PTPRU: variants seen among roughly 807,000 people sequenced by gnomAD.
PTPRU encodes receptor-type tyrosine-protein phosphatase U.
PTPRU carries 69 observed loss-of-function variants against 166.3 expected under a neutral mutation model. The observed-to-expected ratio is 0.41, with a 90% CI of 0.34 to 0.51. PTPRU has a LOEUF of 0.51. PTPRU is among the 20% of genes least tolerant of loss of function. The probability of loss-of-function intolerance (pLI) is 0.09; values close to 1 mark genes in which losing one functional copy is unlikely to be tolerated. For synonymous variants in PTPRU, 793 were observed against 814.0 expected (o/e 0.97, Z 0.44); for missense variants, 1,657 against 2,013.7 (o/e 0.82, Z 3.39).
chr1:29,263,941 C>G (rs1685178120), intron 7 of PTPRU, among the ~76,000 whole-genome samples: 1 of 152,054 alleles, frequency 6.6e-6, no homozygotes, highest in Non-Finnish European at 1.5e-5. Flanking sequence ...CTTTGGGGGG[C>G]CGAGGAGGGC....
At chr1:29,255,201 G>A in intron 1 of PTPRU, 74 bp from the exon 2 acceptor site, 1 of 1,516,894 alleles carries the variant, frequency 6.6e-7, no homozygotes, top group Non-Finnish European at 8.9e-7. Context: ...AAGGGAGAGT[G>A]GGGCTACCCT....
chr1:29,259,600 T>TGGGGTTTTTTGGGGGGGGGGGGGGGG, intron 5 of PTPRU, 36 bp downstream of exon 5: 1 of 253,668 alleles, frequency 3.9e-6, no homozygotes, highest in Non-Finnish European at 7.7e-6. Context: ...GGGGGCGGGG[T>TGGGGTTTTTTGGGGGGGGGGGGGGGG]GGGAGGGGGT....
At chr1:29,270,584 G>A (rs1685518015) in intron 7 of PTPRU, among the ~76,000 whole-genome samples, 1 of 152,140 alleles carries the variant, frequency 6.6e-6, no homozygotes, top group South Asian at 2.1e-4. Flanking sequence ...ACAGGCATGA[G>A]CTACTGCACC....
At chr1:29,248,952 G>T (rs1190472574) in intron 1 of PTPRU, among the ~76,000 whole-genome samples, 1 of 152,138 alleles carries the variant, frequency 6.6e-6, no homozygotes, top group East Asian at 1.9e-4. Context: ...TCACGCAACT[G>T]CAACCGGTCA....
In PTPRU at chr1:29,238,727, C is replaced by T. The variant is rs1280203280; in HGVS notation, c.73+2010C>T. On this transcript the variant is annotated intron_variant, in intron 1 of 29. Transcript: ENST00000373779. This position sits in a 1 kb window ranked among gnomAD's most constrained non-coding sequence, Gnocchi z 6.1. ...CCCATGTCCTGCGGCAACTTTGCCTCCCTCTCCCACCGTGAAATCAAACCC... is the reference window on the plus strand; with the variant it reads ...CCCATGTCCTGCGGCAACTTTGCCTTCCTCTCCCACCGTGAAATCAAACCC... Among the ~76,000 whole-genome samples the T allele has an allele frequency of 6.6e-6, 1 of 152,148 alleles. No individual in the cohort carries two copies. Among genetic ancestry groups the T allele is most frequent in the Non-Finnish European group, 1.5e-5 (1 of 68,040 alleles).
chr1:29,304,037 G>A lies in PTPRU; in HGVS notation c.2659G>A (p.Glu887Lys). 1 of 1,604,296 alleles carries A rather than the reference G, an allele frequency of 6.2e-7. No homozygotes were observed. The highest frequency in any genetic ancestry group is 1.1e-5 in the South Asian group (1 of 90,810). ...GGCCGAGGGTTACGGCTTCAAGCAG[G>A]AGTATGAGGTGCACGCCGGCCCCGG... is the stretch of plus-strand genomic sequence containing the variant. ...KTAEGYGFKQ[E>K]YESFFEGWDA... Residue 887 changes from glutamate (E) to lysine (K), a missense_variant, in exon 16 of 30, where the codon GAG (glutamate) becomes AAG (lysine). By Grantham distance (56) the Glu-to-Lys change is moderately conservative (BLOSUM62 1). This residue lies in a region of PTPRU where 1,190 missense variants were observed against 1,477.4 expected (regional missense o/e 0.81). Coordinates refer to ENST00000373779, the MANE Select transcript of PTPRU (RefSeq NM_133178.4).
chr1:29,325,688 G>A lies in PTPRU; in HGVS notation c.*27G>A. On this transcript the variant is annotated 3_prime_UTR_variant, in exon 30 of 30. Transcript: ENST00000373779. ...GGGGCCCTGGCCTGGGGCACCCACT[G>A]CACACTCAGGGCCAGACCCACCATC... 4.5e-6 allele frequency: 7 copies of A among 1,564,662 alleles called. No individual in the cohort carries two copies. Among genetic ancestry groups the A allele is most frequent in the Non-Finnish European group, 5.2e-6 (6 of 1,145,890 alleles).
At chr1:29,249,313 C>T (rs1033413705) in intron 1 of PTPRU, among the ~76,000 whole-genome samples, 2 of 152,258 alleles carry the variant, frequency 1.3e-5, no homozygotes, top group East Asian at 1.9e-4. Flanking sequence ...TGAGCCCAGC[C>T]GGATGTGGCT....
intron 15 of PTPRU, among the ~76,000 whole-genome samples, chr1:29,300,719 T>G (rs1385785608): frequency 6.6e-6 from 1 of 152,226 alleles, no homozygotes; most frequent in African/African-American, 2.4e-5. Flanking sequence ...TATAGGCAGC[T>G]GAAGACCGTG....
intron 25 of PTPRU, among the ~76,000 whole-genome samples, chr1:29,319,646 C>T (rs1210232200): frequency 2.0e-5 from 3 of 152,218 alleles, no homozygotes; most frequent in Admixed American, 6.5e-5. Context: ...AGAGAGATCG[C>T]TGGGGGACCA....
intron 28 of PTPRU, among the ~76,000 whole-genome samples, chr1:29,324,401 G>A (rs1688309422): frequency 1.3e-5 from 2 of 152,036 alleles, no homozygotes; most frequent in Non-Finnish European, 2.9e-5. Flanking sequence ...AGTGAGGGCC[G>A]CATCAGTCTG....
intron 26 of PTPRU, 127 bp from the exon 27 acceptor site, chr1:29,323,244 A>G: frequency 7.8e-7 from 1 of 1,275,158 alleles, no homozygotes; most frequent in Non-Finnish European, 1.1e-6. Flanking sequence ...GTGAGTCTGG[A>G]GTGAGTGGGT....
chr1:29,239,862 T>A (rs1353113824), intron 1 of PTPRU, among the ~76,000 whole-genome samples: 3 of 152,086 alleles, frequency 2.0e-5, no homozygotes, highest in Non-Finnish European at 4.4e-5. Flanking sequence ...GGGATCTTTG[T>A]AAAGTACATT....
intron 12 of PTPRU, 193 bp from the exon 13 acceptor site, chr1:29,283,747 A>G (rs1246495234): frequency 6.3e-6 from 4 of 636,472 alleles, no homozygotes; most frequent in African/African-American, 5.5e-5. Flanking sequence ...TTCCTAAGGC[A>G]CTGCAGGTGC....
chr1:29,259,408 G>T (rs755204089), intron 4 of PTPRU, 41 bp from the exon 5 acceptor site: 1 of 1,607,534 alleles, frequency 6.2e-7, no homozygotes, highest in Admixed American at 1.7e-5. Flanking sequence ...CTGCCTGCAG[G>T]GGGTGCAGGC....
At chr1:29,305,511 G>T (rs980385063) in intron 18 of PTPRU, 83 bp downstream of exon 18, 42 of 1,373,420 alleles carry the variant, frequency 3.1e-5, no homozygotes, top group African/African-American at 4.3e-5. Context: ...AAACCTGTCG[G>T]GATAAATGGG....
At chr1:29,304,891 G>T in intron 17 of PTPRU, 42 bp downstream of exon 17, 1 of 1,541,364 alleles carries the variant, frequency 6.5e-7, no homozygotes, top group South Asian at 1.2e-5. Context: ...GCAGTGGGTG[G>T]GAGGGCATCA....
chr1:29,258,091 A>T (rs1684851600), intron 2 of PTPRU, among the ~76,000 whole-genome samples: 1 of 152,028 alleles, frequency 6.6e-6, no homozygotes, highest in South Asian at 2.1e-4. Flanking sequence ...CAGCCTCCCG[A>T]GTAGCTGGGA....
At chr1:29,307,164 CT>C in intron 18 of PTPRU, 4 of 1,611,316 alleles carry the variant, frequency 2.5e-6, no homozygotes, top group Non-Finnish European at 2.5e-6. Flanking sequence ...TCTCTCTCCC[CT>C]TCTCCTCCTC....
Sources: gnomAD v4.1 joint callset for allele counts (sites outside exome capture counted in the v4.1 genomes callset) on GRCh38, gnomAD v4.1.1 for gene constraint, gnomAD v4.1.1 regional missense constraint, Gnocchi (gnomAD v3.1) non-coding constraint, MANE v1.5 for transcripts, NCBI Gene and HGNC (gene_info 2026-07-23, HGNC 2026-07-21) for gene names.